Variants in NKAIN3 observed in about 807,000 individuals in gnomAD.
NKAIN3 encodes sodium/potassium-transporting ATPase subunit beta-1-interacting protein 3.
A neutral mutation model predicts 30.2 loss-of-function variants in NKAIN3; 25 were observed. That is an observed-to-expected ratio of 0.83 (90% CI 0.60 to 1.16). The LOEUF (loss-of-function observed/expected upper bound fraction) is 1.16. NKAIN3 is among the 50% of genes most tolerant of loss of function. The probability of loss-of-function intolerance (pLI) is 0.00; values close to 1 mark genes in which losing one functional copy is unlikely to be tolerated. For synonymous variants in NKAIN3, 91 were observed against 89.6 expected (o/e 1.02, Z -0.09); for missense variants, 225 against 254.1 (o/e 0.89, Z 0.78).
At chr8:62,962,812 T>C (rs1823608302) in intron 6 of NKAIN3, among the ~76,000 whole-genome samples, 1 of 152,234 alleles carries the variant, frequency 6.6e-6, no homozygotes, top group Admixed American at 6.5e-5. Flanking sequence ...GGTGAAACTT[T>C]AATAGCATAA....
chr8:62,732,649 T>C (rs892925043), intron 3 of NKAIN3, among the ~76,000 whole-genome samples: 8 of 152,122 alleles, frequency 5.3e-5, no homozygotes, highest in Non-Finnish European at 1.2e-4. Context: ...ACTTGACAAT[T>C]ACTACACACA....
chr8:62,262,390 T>G (rs1812468899), intron 1 of NKAIN3, among the ~76,000 whole-genome samples: 1 of 152,162 alleles, frequency 6.6e-6, no homozygotes, highest in East Asian at 1.9e-4. Flanking sequence ...TGACAAAGCT[T>G]TCTCACTGTC....
intron 1 of NKAIN3, among the ~76,000 whole-genome samples, chr8:62,282,219 A>G (rs1185269425): frequency 6.6e-6 from 1 of 152,124 alleles, no homozygotes; most frequent in Non-Finnish European, 1.5e-5. Flanking sequence ...AAGTCTTGAG[A>G]TGGTTATCCC....
At chr8:62,477,918 A>G (rs1806572994) in intron 1 of NKAIN3, among the ~76,000 whole-genome samples, 1 of 152,154 alleles carries the variant, frequency 6.6e-6, no homozygotes, top group African/African-American at 2.4e-5. Flanking sequence ...AAACAAACTA[A>G]TATCTGTGAG....
intron 3 of NKAIN3, among the ~76,000 whole-genome samples, chr8:62,605,116 C>T (rs1811084898): frequency 6.6e-6 from 1 of 152,106 alleles, no homozygotes; most frequent in Non-Finnish European, 1.5e-5. Flanking sequence ...CTGACCCAAA[C>T]TTAGTGACTT....
At chr8:62,892,088 G>T (rs1821313151) in intron 4 of NKAIN3, among the ~76,000 whole-genome samples, 1 of 152,138 alleles carries the variant, frequency 6.6e-6, no homozygotes, top group South Asian at 2.1e-4. Flanking sequence ...TCCTAAGGCT[G>T]CCTTAATTCA....
chr8:62,249,246 GCCCGCCTCCCACCCTCC>G, intron 1 of NKAIN3, 119 bp downstream of exon 1: 5 of 837,974 alleles, frequency 6.0e-6, no homozygotes, highest in Non-Finnish European at 8.8e-6. Context: ...AGGGCGCTCC[GCCCGCCTCCCACCCTCC>G]CCACCGCCTG....
At chr8:62,665,355 G>C (rs913770736) in intron 3 of NKAIN3, among the ~76,000 whole-genome samples, 2 of 151,304 alleles carry the variant, frequency 1.3e-5, no homozygotes, top group African/African-American at 4.9e-5. Context: ...TTGAGTAAAA[G>C]AGATTTACCA....
chr8:62,943,830 G>C (rs183842048), intron 5 of NKAIN3, among the ~76,000 whole-genome samples: 1 of 148,048 alleles, frequency 6.8e-6, no homozygotes, highest in Non-Finnish European at 1.5e-5. Context: ...ATACACCATG[G>C]ACTATTACTC....
At chr8:62,683,375 A>G (rs557146086) in intron 3 of NKAIN3, among the ~76,000 whole-genome samples, 4 of 152,230 alleles carry the variant, frequency 2.6e-5, no homozygotes, top group Admixed American at 6.5e-5. Context: ...TTGCTTCACA[A>G]TGCAGTTGGT....
intron 1 of NKAIN3, among the ~76,000 whole-genome samples, chr8:62,417,258 A>T (rs926186720): frequency 1.3e-5 from 2 of 152,154 alleles, no homozygotes; most frequent in African/African-American, 4.8e-5. Flanking sequence ...TTTACTTAGC[A>T]TAATGACTTC....
intron 4 of NKAIN3, among the ~76,000 whole-genome samples, chr8:62,890,240 T>C (rs1029014841): frequency 3.3e-5 from 5 of 152,238 alleles, no homozygotes; most frequent in Non-Finnish European, 7.3e-5. Flanking sequence ...AAGGGGATTA[T>C]GGAAGCATTT....
At chr8:62,394,662 G>T (rs78612272) in intron 1 of NKAIN3, among the ~76,000 whole-genome samples, 3 of 38,544 alleles carry the variant, frequency 7.8e-5, no homozygotes, top group Admixed American at 3.2e-4. Flanking sequence ...TCCCAGACCT[G>T]GCGGCAGCGG....
intron 5 of NKAIN3, among the ~76,000 whole-genome samples, chr8:62,920,309 C>A (rs12679775): frequency 0.15 from 22,466 of 152,166 alleles, 2,113 homozygotes; most frequent in African/African-American, 0.25. Context: ...TTTTCCTCCT[C>A]ACTAAACTGG....
rs77346577 is a variant in NKAIN3, at chr8:62,973,429, AT to A, written c.*8031del. On this transcript the variant is annotated 3_prime_UTR_variant, in exon 7 of 7. Coordinates refer to ENST00000623646, the MANE Select transcript of NKAIN3 (RefSeq NM_001304533.3). The stretch of plus-strand genomic sequence containing the variant: ...TTCTCTAATGACCAGTGATGATGAG[AT>A]TTTTTTTTACGTTTGTTGGCTGCAT... Among the ~76,000 whole-genome samples the A allele has an allele frequency of 0.075, 11,308 of 151,626 alleles. 680 individuals are homozygous for A. Among genetic ancestry groups the A allele is most frequent in the East Asian group, 0.3 (1,565 of 5,142 alleles).
intron 1 of NKAIN3, among the ~76,000 whole-genome samples, chr8:62,395,279 C>T (rs1002331561): frequency 3.0e-5 from 4 of 134,560 alleles, no homozygotes; most frequent in African/African-American, 8.4e-5. Flanking sequence ...AGACATTGCG[C>T]GGGGCCGGGC....
intron 3 of NKAIN3, among the ~76,000 whole-genome samples, chr8:62,594,435 G>T (rs1810758539): frequency 6.6e-6 from 1 of 151,920 alleles, no homozygotes; most frequent in South Asian, 2.1e-4. Context: ...TTCACTCCCA[G>T]GCTCTTTGCT....
intron 3 of NKAIN3, among the ~76,000 whole-genome samples, chr8:62,700,575 A>T (rs1814302861): frequency 6.6e-6 from 1 of 152,228 alleles, no homozygotes; most frequent in African/African-American, 2.4e-5. Flanking sequence ...TTTGGCAGAC[A>T]TGTATTATTT....
Position 62,414,691 on chromosome 8 carries a change from CTGAT to C in NKAIN3, c.55-164845_55-164842del, listed in dbSNP as rs1804375143. Among the ~76,000 whole-genome samples, 3 of 152,104 alleles carry C rather than the reference CTGAT, an allele frequency of 2.0e-5. No individual in the cohort carries two copies. In the South Asian group the frequency reaches 6.2e-4, roughly 31 times the overall value. On this transcript the variant is annotated intron_variant, in intron 1 of 6. Transcript: ENST00000623646. The stretch of plus-strand genomic sequence containing the variant: ...AAAAGAACAGTATCTCGTGAAATCT[CTGAT>C]TGTTCCTTTTGTTTCAGGGTCTTAG...
Sources: gnomAD v4.1 joint callset for allele counts (sites outside exome capture counted in the v4.1 genomes callset) on GRCh38, gnomAD v4.1.1 for gene constraint, MANE v1.5 for transcripts, NCBI Gene and HGNC (gene_info 2026-07-23, HGNC 2026-07-21) for gene names.